KDM7A: variants seen among roughly 807,000 people sequenced by gnomAD.
KDM7A encodes the protein lysine demethylase 7A, also known as lysine-specific demethylase 7A.
In KDM7A, 28 loss-of-function variants were observed where a neutral mutation model predicts 114.8. That is an observed-to-expected ratio of 0.24 (90% CI 0.18 to 0.33). KDM7A has a LOEUF of 0.33. Among genes scored for constraint, KDM7A ranks in the 10% least tolerant of loss-of-function variants. KDM7A has a pLI of 1.00. For synonymous variants in KDM7A, 423 were observed against 397.8 expected (o/e 1.06, Z -0.75); for missense variants, 942 against 1,142.5 (o/e 0.82, Z 2.53).
At position 140,088,686 on chromosome 7, in the gene KDM7A, T is replaced by C. The variant is rs1449797775; in HGVS notation, c.*2408A>G. 1 of 391,942 alleles carries C rather than the reference T, an allele frequency of 2.6e-6. No homozygotes were observed. Among genetic ancestry groups the C allele is most frequent in the Non-Finnish European group, 4.5e-6 (1 of 222,096 alleles). 24.3% of individuals were successfully genotyped at this position (391,942 alleles called of 1,614,324 possible). ...CATGGATTCTATTCAAGTGGTTCTA[T>C]TACCTCGCTGAAAGTTTTCTAACTT... On this transcript the variant is annotated 3_prime_UTR_variant, in exon 20 of 20. Transcript: ENST00000397560.
rs1048070403 is a variant in KDM7A at position 140,176,123 on chromosome 7, G to A, written c.194+621C>T. Reference sequence around the variant, plus strand: ...TCTGTTGCTCTGTTTACTCCGCGGAGCCCCGCCGAGCTGGCTGGCGCGGTC... The same window carrying A: ...TCTGTTGCTCTGTTTACTCCGCGGAACCCCGCCGAGCTGGCTGGCGCGGTC... On this transcript the variant is annotated intron_variant, in intron 1 of 19. Coordinates refer to ENST00000397560, the MANE Select transcript of KDM7A (RefSeq NM_030647.2). The surrounding 1 kb of genome is among the most constrained non-coding windows in gnomAD (Gnocchi z 4.4). 6.6e-6 allele frequency among the ~76,000 whole-genome samples: 1 copy of A among 151,786 alleles called. No individual in the cohort carries two copies. The highest frequency in any genetic ancestry group is 1.5e-5 in the Non-Finnish European group (1 of 67,858).
rs1309757934 is a variant in KDM7A at position 140,091,096 on chromosome 7, AC to A, written c.2823del (p.Ter942AspfsTer35). 5 of 1,611,228 alleles carry A rather than the reference AC, an allele frequency of 3.1e-6. No individual in the cohort carries two copies. Among genetic ancestry groups the A allele is most frequent in the Non-Finnish European group, 3.4e-6 (4 of 1,177,390 alleles). On this transcript the variant is annotated frameshift_variant, in exon 20 of 20. Coordinates refer to ENST00000397560, the MANE Select transcript of KDM7A (RefSeq NM_030647.2). LOFTEE classifies it high-confidence loss of function. ...LNRNGHARFFV is the reference protein window; with the variant it reads ...LNRNGHARFFX ...GAATGGCTGCAACAGCAGCTCTGTC[AC>A]ACAAAGAAACGTGCATGGCCATTTC...
At chr7:140,109,809 C>T (rs1818403432) in intron 11 of KDM7A, among the ~76,000 whole-genome samples, 1 of 152,202 alleles carries the variant, frequency 6.6e-6, no homozygotes, top group Admixed American at 6.5e-5. Context: ...TTATTGATAA[C>T]CCAGCGCCAC....
In KDM7A at chr7:140,091,854, G is replaced by A; in HGVS notation, c.2681C>T (p.Thr894Ile). Residue 894 changes from threonine (T) to isoleucine (I), a missense_variant, in exon 19 of 20, where the codon ACC becomes ATC. By Grantham distance (89) the Thr-to-Ile change is moderately conservative (BLOSUM62 -1). This residue lies in a region of KDM7A where 512 missense variants were observed against 576.6 expected (regional missense o/e 0.89). Transcript: ENST00000397560. ...TGGTGGATTTGATGCCGGTCTCTTG[G>A]TGGGGTGAAGGGGCACCGAGAAGGA... is the stretch of plus-strand genomic sequence containing the variant. ...ETSFSVPLHPTKRPASNPPPI... is the reference protein window; with the variant it reads ...ETSFSVPLHPIKRPASNPPPI... 1.2e-6 allele frequency: 2 copies of A among 1,613,790 alleles called. No homozygotes were observed. Among genetic ancestry groups the A allele is most frequent in the South Asian group, 1.1e-5 (1 of 91,048 alleles).
chr7:140,119,869 C>T (rs1818591347), intron 8 of KDM7A, among the ~76,000 whole-genome samples: 2 of 152,182 alleles, frequency 1.3e-5, no homozygotes, highest in Admixed American at 1.3e-4. Flanking sequence ...TGGCTTCTTA[C>T]TAGGTATTTC....
intron 11 of KDM7A, among the ~76,000 whole-genome samples, chr7:140,110,054 T>C (rs1304887221): frequency 6.6e-6 from 1 of 152,212 alleles, no homozygotes; most frequent in African/African-American, 2.4e-5. Context: ...CTGAACTGGC[T>C]GCTCTCTAGA....
chr7:140,159,666 T>C (rs937439359), intron 1 of KDM7A, among the ~76,000 whole-genome samples: 1 of 152,300 alleles, frequency 6.6e-6, no homozygotes, highest in Admixed American at 6.5e-5. Flanking sequence ...CTGAGGACCG[T>C]CCTGAGGCTG....
chr7:140,152,938 C>T (rs962320677), intron 1 of KDM7A, among the ~76,000 whole-genome samples: 1 of 152,080 alleles, frequency 6.6e-6, no homozygotes. Context: ...CAGCTCACTG[C>T]AACCTCTGCC....
At chr7:140,135,644 T>C (rs906187312) in intron 2 of KDM7A, among the ~76,000 whole-genome samples, 1 of 152,240 alleles carries the variant, frequency 6.6e-6, no homozygotes, top group Non-Finnish European at 1.5e-5. Context: ...TAATCATTTT[T>C]TGATTCTTAA....
rs1465410597 is a variant in KDM7A, at chr7:140,100,677, TATACATATATAC to T, written c.1639-666_1639-655del. On this transcript the variant is annotated intron_variant, in intron 12 of 19. Coordinates refer to ENST00000397560, the MANE Select transcript of KDM7A (RefSeq NM_030647.2). Reference sequence around the variant, plus strand: ...TTAAAAAGTTATATATATATATATATATACATATATACATATATATATATATATATACACATA... The same window carrying T: ...TTAAAAAGTTATATATATATATATATATATATATATATATATATACACATA... Among the ~76,000 whole-genome samples, 154 of 41,526 alleles carry T rather than the reference TATACATATATAC, an allele frequency of 3.7e-3. 2 individuals carry two copies. The highest frequency in any genetic ancestry group is 0.015 in the African/African-American group (146 of 9,634). The allele number at this position is 41,526 out of a possible 152,430, so 27.2% of individuals were successfully genotyped here.
intron 1 of KDM7A, among the ~76,000 whole-genome samples, chr7:140,166,218 G>T (rs1306631732): frequency 6.6e-6 from 1 of 151,844 alleles, no homozygotes; most frequent in Non-Finnish European, 1.5e-5. Context: ...CATATTAATA[G>T]ATCTAAGGAA....
intron 18 of KDM7A, among the ~76,000 whole-genome samples, chr7:140,092,454 T>C (rs1212984831): frequency 1.3e-5 from 2 of 152,234 alleles, no homozygotes; most frequent in African/African-American, 4.8e-5. Context: ...TCATGTGTCA[T>C]GTTCTTTTCT....
At chr7:140,139,223 G>C in intron 1 of KDM7A, 33 bp from the exon 2 acceptor site, 10 of 1,486,636 alleles carry the variant, frequency 6.7e-6, no homozygotes, top group Non-Finnish European at 9.4e-6. Context: ...CAGTATGTAA[G>C]TAAGTTGAAA....
chr7:140,168,966 T>A (rs1794608373), intron 1 of KDM7A, among the ~76,000 whole-genome samples: 1 of 152,176 alleles, frequency 6.6e-6, no homozygotes, highest in South Asian at 2.1e-4. Context: ...AACTTACAGT[T>A]CGTAATATAT....
intron 1 of KDM7A, among the ~76,000 whole-genome samples, chr7:140,142,460 G>A (rs538124280): frequency 3.3e-4 from 50 of 150,850 alleles, no homozygotes; most frequent in East Asian, 9.7e-4. Context: ...CAAAATACTC[G>A]GATAGGCACA....
intron 8 of KDM7A, among the ~76,000 whole-genome samples, chr7:140,119,860 G>A (rs1313267980): frequency 2.0e-5 from 3 of 152,160 alleles, no homozygotes; most frequent in Admixed American, 6.5e-5. Flanking sequence ...CCAGAGATAT[G>A]GCTTCTTACT....
intron 1 of KDM7A, among the ~76,000 whole-genome samples, chr7:140,172,286 C>T (rs1293183456): frequency 6.6e-6 from 1 of 152,128 alleles, no homozygotes; most frequent in Non-Finnish European, 1.5e-5. Flanking sequence ...TTTATTTATT[C>T]TAAGGAAATA....
Position 140,085,985 on chromosome 7 carries a change from C to A in KDM7A, c.*5109G>T, listed in dbSNP as rs1454437287. 1.3e-5 allele frequency: 2 copies of A among 152,102 alleles called. No individual in the cohort carries two copies. Among genetic ancestry groups the A allele is most frequent in the Admixed American group, 6.5e-5 (1 of 15,280 alleles). 9.4% of individuals were successfully genotyped at this position (152,102 alleles called of 1,614,324 possible). On this transcript the variant is annotated 3_prime_UTR_variant, in exon 20 of 20. Transcript: ENST00000397560. ...GCCTGCAAAGTATTATATATTCCAGCACTTATGATCATTGTTTTGGTGAAA... is the reference window on the plus strand; with the variant it reads ...GCCTGCAAAGTATTATATATTCCAGAACTTATGATCATTGTTTTGGTGAAA...
At chr7:140,167,074 T>G (rs908407072) in intron 1 of KDM7A, among the ~76,000 whole-genome samples, 15 of 151,750 alleles carry the variant, frequency 9.9e-5, no homozygotes, top group Non-Finnish European at 1.3e-4. Flanking sequence ...AAAGAAAAAT[T>G]AAAAACACAC....
Sources: allele counts gnomAD v4.1 joint callset (sites outside exome capture counted in the v4.1 genomes callset), GRCh38; gene constraint gnomAD v4.1.1; regional missense constraint gnomAD v4.1.1; non-coding constraint Gnocchi (gnomAD v3.1); transcripts MANE v1.5; gene names NCBI Gene and HGNC (gene_info 2026-07-23, HGNC 2026-07-21).